Variants in RAB21 observed in about 807,000 individuals in gnomAD.
RAB21 encodes ras-related protein Rab-21.
RAB21 carries 13 observed loss-of-function variants against 33.1 expected under a neutral mutation model. The ratio of observed to expected loss-of-function variants is 0.39; its 90% CI spans 0.26 to 0.62. The LOEUF (loss-of-function observed/expected upper bound fraction) is 0.62. Among genes scored for constraint, RAB21 ranks in the 20% least tolerant of loss-of-function variants. The pLI is 0.48. For missense variants in RAB21, 234 were observed against 279.1 expected, an observed-to-expected ratio of 0.84 and a Z score of 1.15; for synonymous variants, 91 against 103.7, an observed-to-expected ratio of 0.88 and a Z score of 0.74.
At position 71,798,951 on chromosome 12, in the gene RAB21, C is replaced by T. The variant is rs1883502025; in HGVS notation, c.*13278C>T. On this transcript the variant is annotated 3_prime_UTR_variant, in exon 7 of 7. Coordinates refer to ENST00000261263, the MANE Select transcript of RAB21 (RefSeq NM_014999.4). ...AAGTTTTCTCAACTATATGCTCTCTCCTCATGATTTGAAAGGCAAAAGTGA... is the reference window on the plus strand; with the variant it reads ...AAGTTTTCTCAACTATATGCTCTCTTCTCATGATTTGAAAGGCAAAAGTGA... 1 of 152,206 alleles carries T rather than the reference C, an allele frequency of 6.6e-6. No homozygotes were observed. Among genetic ancestry groups the T allele is most frequent in the African/African-American group, 2.4e-5 (1 of 41,440 alleles). 9.4% of individuals were successfully genotyped at this position (152,206 alleles called of 1,614,324 possible).
chr12:71,759,917 G>T (rs1267653615), intron 1 of RAB21, among the ~76,000 whole-genome samples: 2 of 152,162 alleles, frequency 1.3e-5, no homozygotes, highest in Non-Finnish European at 2.9e-5. Context: ...CTTTAAAATG[G>T]GAGTACCTTA....
intron 1 of RAB21, among the ~76,000 whole-genome samples, chr12:71,768,354 C>G (rs549660558): frequency 1.2e-4 from 18 of 152,220 alleles, no homozygotes; most frequent in African/African-American, 4.1e-4. Flanking sequence ...CCATCCTGAC[C>G]TTTTATCTGT....
At chr12:71,769,200 A>C (rs1395136291) in intron 1 of RAB21, among the ~76,000 whole-genome samples, 1 of 152,140 alleles carries the variant, frequency 6.6e-6, no homozygotes, top group East Asian at 1.9e-4. Context: ...TTCCTTTCTC[A>C]GTACTATCTT....
chr12:71,774,175 A>T (rs950139078), intron 4 of RAB21, 153 bp downstream of exon 4: 2 of 447,048 alleles, frequency 4.5e-6, no homozygotes, highest in African/African-American at 4.2e-5. Flanking sequence ...AGCCTGGTGC[A>T]GTGGCTCATG....
intron 1 of RAB21, among the ~76,000 whole-genome samples, chr12:71,762,001 T>C (rs1443051545): frequency 1.3e-5 from 2 of 152,200 alleles, no homozygotes; most frequent in African/African-American, 4.8e-5. Context: ...TATAATATCT[T>C]CATACAGTAT....
chr12:71,755,913 G>A (rs990330613), intron 1 of RAB21, among the ~76,000 whole-genome samples: 7 of 152,152 alleles, frequency 4.6e-5, no homozygotes, highest in African/African-American at 2.4e-5. Flanking sequence ...GTGAATACTG[G>A]CCAACAATTG....
chr12:71,767,177 T>C (rs1434925895), intron 1 of RAB21, among the ~76,000 whole-genome samples: 1 of 152,194 alleles, frequency 6.6e-6, no homozygotes, highest in East Asian at 1.9e-4. Flanking sequence ...TTTTTGTTTT[T>C]CTATATAATC....
chr12:71,771,968 T>A (rs1436366672), intron 3 of RAB21, among the ~76,000 whole-genome samples: 5 of 147,216 alleles, frequency 3.4e-5, no homozygotes, highest in African/African-American at 1.3e-4. Flanking sequence ...AGAGTGAGAC[T>A]CCATCTCAAA....
chr12:71,771,675 T>G (rs1883044217), intron 3 of RAB21, among the ~76,000 whole-genome samples: 1 of 152,142 alleles, frequency 6.6e-6, no homozygotes, highest in Non-Finnish European at 1.5e-5. Context: ...TTAAGTATTT[T>G]ATTAAGAGAA....
chr12:71,768,932 C>CGTGTGTGT lies in RAB21; in HGVS notation c.160-859_160-852dup, dbSNP rs60960317. Among the ~76,000 whole-genome samples, 69 of 151,538 alleles carry CGTGTGTGT rather than the reference C, an allele frequency of 4.6e-4. 1 individual carries two copies. The highest frequency in any genetic ancestry group is 1.5e-3 in the African/African-American group (60 of 41,304). Reference sequence around the variant, plus strand: ...CATAGTATTTCCAAAGTATACTTGACGTGTGTGTGTGTGTGTCTAAATACA... The same window carrying CGTGTGTGT: ...CATAGTATTTCCAAAGTATACTTGACGTGTGTGTGTGTGTGTGTGTGTGTCTAAATACA... On this transcript the variant is annotated intron_variant, in intron 1 of 6. Transcript: ENST00000261263.
At chr12:71,766,639 T>TA (rs1444093382) in intron 1 of RAB21, among the ~76,000 whole-genome samples, 15 of 152,278 alleles carry the variant, frequency 9.9e-5, no homozygotes, top group African/African-American at 3.6e-4. Context: ...TAAGCTGCAG[T>TA]AAATGCAGAG....
intron 1 of RAB21, among the ~76,000 whole-genome samples, chr12:71,762,368 C>T (rs1025123545): frequency 3.3e-5 from 5 of 152,102 alleles, no homozygotes; most frequent in African/African-American, 9.7e-5. Context: ...TGCAGTGGCG[C>T]GATCTCGGCT....
intron 3 of RAB21, among the ~76,000 whole-genome samples, chr12:71,773,486 A>T (rs77382972): frequency 6.6e-6 from 1 of 151,254 alleles, no homozygotes; most frequent in Non-Finnish European, 1.5e-5. Context: ...TTAGCACTCT[A>T]ATTTTTTTTG....
In RAB21 at chr12:71,788,548, T is replaced by G. The variant is rs528565026; in HGVS notation, c.*2875T>G. 4 of 152,124 alleles carry G rather than the reference T, an allele frequency of 2.6e-5. No individual in the cohort carries two copies. In the South Asian group the frequency reaches 8.3e-4, roughly 32 times the overall value. The allele number at this position is 152,124 out of a possible 1,614,324, so 9.4% of individuals were successfully genotyped here. A position where few individuals can be genotyped will look rare whatever the true frequency, so the allele number is the denominator to read the frequency against. On this transcript the variant is annotated 3_prime_UTR_variant, in exon 7 of 7. Transcript: ENST00000261263. ...AGATGATAAACCAAGGCTGAGGAAA[T>G]TTTTCTGATGCTTTCTTCATTTCTC...
At chr12:71,776,031 G>T (rs1883114871) in intron 4 of RAB21, among the ~76,000 whole-genome samples, 1 of 152,168 alleles carries the variant, frequency 6.6e-6, no homozygotes, top group Non-Finnish European at 1.5e-5. Context: ...GCTACTTGGA[G>T]ATTTGGAACC....
chr12:71,785,005 T>C (rs969686637), intron 6 of RAB21, among the ~76,000 whole-genome samples: 10 of 151,626 alleles, frequency 6.6e-5, no homozygotes, highest in African/African-American at 2.4e-4. Flanking sequence ...GGCAGGAGGA[T>C]CAACTGAGCC....
Position 71,790,502 on chromosome 12 carries a change from ATTGTATG to A in RAB21, c.*4831_*4837del, listed in dbSNP as rs945807130. On this transcript the variant is annotated 3_prime_UTR_variant, in exon 7 of 7. Transcript: ENST00000261263. ...AGTAGCAAGCTATTTTAAGGAAATC[ATTGTATG>A]TGGTACTTCCTAGAAATATGAAAGT... is the stretch of plus-strand genomic sequence containing the variant. 1.3e-5 allele frequency: 2 copies of A among 152,312 alleles called. No homozygotes were observed. The highest frequency in any genetic ancestry group is 2.4e-5 in the African/African-American group (1 of 41,558). The allele number at this position is 152,312 out of a possible 1,614,324, so 9.4% of individuals were successfully genotyped here. A position where few individuals can be genotyped will look rare whatever the true frequency, so the allele number is the denominator to read the frequency against.
Position 71,796,607 on chromosome 12 carries a change from C to T in RAB21, c.*10934C>T, listed in dbSNP as rs1883466639. The T allele has an allele frequency of 7.3e-6, 1 of 136,680 alleles. No individual in the cohort carries two copies. The highest frequency in any genetic ancestry group is 1.5e-5 in the Non-Finnish European group (1 of 65,824). 8.5% of individuals were successfully genotyped at this position (136,680 alleles called of 1,614,324 possible). A position where few individuals can be genotyped will look rare whatever the true frequency, so the allele number is the denominator to read the frequency against. On this transcript the variant is annotated 3_prime_UTR_variant, in exon 7 of 7. Transcript: ENST00000261263. ...TCTTGTATAGTTTGTAGCATTTAAT[C>T]TTCTATTTCAGTGATTGGTTTGGAT...
chr12:71,764,723 T>A (rs1324394826), intron 1 of RAB21, among the ~76,000 whole-genome samples: 1 of 152,192 alleles, frequency 6.6e-6, no homozygotes, highest in East Asian at 1.9e-4. Context: ...TTTTCCATTC[T>A]TGAGCTACTT....
Sources: gnomAD v4.1 joint callset for allele counts (sites outside exome capture counted in the v4.1 genomes callset) on GRCh38, gnomAD v4.1.1 for gene constraint, MANE v1.5 for transcripts, NCBI Gene and HGNC (gene_info 2026-07-23, HGNC 2026-07-21) for gene names.